The following FHIT variants were observed in gnomAD, a reference collection of about 807,000 sequenced individuals.
The protein encoded by FHIT is fragile histidine triad diadenosine triphosphatase, also known as bis(5'-adenosyl)-triphosphatase.
In FHIT, 19 loss-of-function variants were observed where a neutral mutation model predicts 17.9. That is an observed-to-expected ratio of 1.06 (90% confidence interval 0.74 to 1.56). FHIT has a LOEUF of 1.56. FHIT is among the 40% of genes most tolerant of loss of function. FHIT has a pLI of 0.00. For missense variants in FHIT, 248 were observed against 189.2 expected, an observed-to-expected ratio of 1.31 and a Z score of -1.82; for synonymous variants, 81 against 69.7, an observed-to-expected ratio of 1.16 and a Z score of -0.81.
At chr3:60,082,954 G>A (rs1273290097) in intron 5 of FHIT, among the ~76,000 whole-genome samples, 3 of 152,052 alleles carry the variant, frequency 2.0e-5, no homozygotes, top group African/African-American at 4.8e-5. Context: ...CTTTTGCTGT[G>A]CTCAAGCTCT....
At chr3:60,152,069 T>C (rs1700490498) in intron 5 of FHIT, among the ~76,000 whole-genome samples, 1 of 152,176 alleles carries the variant, frequency 6.6e-6, no homozygotes, top group African/African-American at 2.4e-5. Context: ...TAAATGAATC[T>C]TCCAACAACA....
At position 60,222,372 on chromosome 3, in the gene FHIT, T is replaced by C. The variant is rs533911206; in HGVS notation, c.104-208220A>G. ...TCAGTCATTCACCTGCTCTCTGGTA[T>C]GGTTTCTGCCACTTCTGTGTATTAC... is the stretch of plus-strand genomic sequence containing the variant. On this transcript the variant is annotated intron_variant, in intron 5 of 9. Transcript: ENST00000492590. 7.2e-5 allele frequency among the ~76,000 whole-genome samples: 11 copies of C among 152,332 alleles called. 1 individual carries two copies. The South Asian group carries it at 2.3e-3, about 32-fold the overall frequency.
intron 5 of FHIT, among the ~76,000 whole-genome samples, chr3:60,247,986 T>G (rs754334960): frequency 6.6e-6 from 1 of 152,116 alleles, no homozygotes; most frequent in Non-Finnish European, 1.5e-5. Flanking sequence ...GGAGAAAACA[T>G]GACACCTTCA....
intron 4 of FHIT, among the ~76,000 whole-genome samples, chr3:60,772,206 G>A (rs1700067841): frequency 6.6e-6 from 1 of 151,830 alleles, no homozygotes; most frequent in Admixed American, 6.6e-5. Flanking sequence ...CCCATGATGT[G>A]CACACAGGAC....
intron 2 of FHIT, among the ~76,000 whole-genome samples, chr3:61,163,040 T>G (rs1392995802): frequency 6.6e-6 from 1 of 152,192 alleles, no homozygotes; most frequent in African/African-American, 2.4e-5. Context: ...GATCTTGGAC[T>G]AAGGCTATCA....
intron 2 of FHIT, among the ~76,000 whole-genome samples, chr3:61,152,440 T>G (rs1485979033): frequency 2.0e-5 from 3 of 152,228 alleles, no homozygotes. Context: ...CCATTTAAGG[T>G]GGCAAAACAA....
intron 5 of FHIT, among the ~76,000 whole-genome samples, chr3:60,197,728 C>A (rs1702711172): frequency 6.6e-6 from 1 of 152,148 alleles, no homozygotes. Flanking sequence ...TTTGTATTGA[C>A]TGGAAATCTG....
chr3:59,971,425 T>A (rs967416268), intron 7 of FHIT, among the ~76,000 whole-genome samples: 1 of 152,056 alleles, frequency 6.6e-6, no homozygotes, highest in African/African-American at 2.4e-5. Flanking sequence ...GTCTGAAGGG[T>A]CCTGGTTCAA....
rs1553677019 is a variant in FHIT, at chr3:59,788,881, G to GTTTTTTTTGTTTTTTTTTT, written c.349-36561_349-36560insAAAAAAAAAACAAAAAAAA. On this transcript the variant is annotated intron_variant, in intron 8 of 9. Coordinates refer to ENST00000492590, the MANE Select transcript of FHIT (RefSeq NM_002012.4). ...ACCACGTTCTTTGCTGAGTTCATAT[G>GTTTTTTTTGTTTTTTTTTT]TTTTTTTTTTTTACCCCATCTCCAA... is the stretch of plus-strand genomic sequence containing the variant. 1.5e-4 allele frequency among the ~76,000 whole-genome samples: 13 copies of GTTTTTTTTGTTTTTTTTTT among 86,804 alleles called. 2 individuals are homozygous for GTTTTTTTTGTTTTTTTTTT. Among genetic ancestry groups the GTTTTTTTTGTTTTTTTTTT allele is most frequent in the African/African-American group, 6.0e-4 (13 of 21,836 alleles). The allele number at this position is 86,804 out of a possible 152,430, so 56.9% of individuals were successfully genotyped here. A position where few individuals can be genotyped will look rare whatever the true frequency, so the allele number is the denominator to read the frequency against.
chr3:60,239,854 G>C (rs967912115), intron 5 of FHIT, among the ~76,000 whole-genome samples: 2 of 152,100 alleles, frequency 1.3e-5, no homozygotes, highest in Admixed American at 1.3e-4. Context: ...CAAATCTATA[G>C]ATACAGCATC....
chr3:60,384,806 G>C (rs1316429862), intron 5 of FHIT, among the ~76,000 whole-genome samples: 1 of 146,258 alleles, frequency 6.8e-6, no homozygotes, highest in Non-Finnish European at 1.5e-5. Flanking sequence ...TGTGAGAGAT[G>C]AACAGAGCTA....
intron 2 of FHIT, among the ~76,000 whole-genome samples, chr3:61,169,159 C>G (rs2037925376): frequency 6.6e-6 from 1 of 152,210 alleles, no homozygotes. Context: ...TGACTCTAGC[C>G]TTGTACAATG....
chr3:60,564,681 A>C (rs2121858), intron 4 of FHIT, among the ~76,000 whole-genome samples: 30 of 152,232 alleles, frequency 2.0e-4, no homozygotes, highest in Middle Eastern at 3.4e-3. Flanking sequence ...GTAAAGCCTG[A>C]AGACGTGACT....
rs115969661 is a variant in FHIT, at chr3:60,706,981, G to A, written c.-18+114938C>T. On this transcript the variant is annotated intron_variant, in intron 4 of 9. Transcript: ENST00000492590. ...TCCAGCCTGCTCCATGCAGACAGGA[G>A]CCCAAGCCGGAAGAAAACTCTTTGA... Among the ~76,000 whole-genome samples the A allele has an allele frequency of 2.8e-3, 429 of 152,322 alleles. 3 individuals are homozygous for A. The highest frequency in any genetic ancestry group is 9.8e-3 in the African/African-American group (409 of 41,560).
intron 7 of FHIT, among the ~76,000 whole-genome samples, chr3:59,940,422 C>T (rs191249970): frequency 6.6e-6 from 1 of 152,234 alleles, no homozygotes; most frequent in East Asian, 1.9e-4. Flanking sequence ...TAAATGGGAA[C>T]AGGTAGAAGA....
intron 4 of FHIT, among the ~76,000 whole-genome samples, chr3:60,719,629 C>A (rs1463930518): frequency 2.6e-5 from 4 of 152,142 alleles, no homozygotes; most frequent in African/African-American, 9.7e-5. Context: ...CCTAGAAGGG[C>A]AGAAATTCAG....
chr3:60,992,813 A>G (rs146122413), intron 3 of FHIT, among the ~76,000 whole-genome samples: 59 of 152,340 alleles, frequency 3.9e-4, no homozygotes, highest in African/African-American at 1.4e-3. Flanking sequence ...TGTGTGCTCT[A>G]TAAAGAATAA....
chr3:59,823,401 T>C (rs1021637571), intron 8 of FHIT, among the ~76,000 whole-genome samples: 4 of 152,152 alleles, frequency 2.6e-5, no homozygotes, highest in Non-Finnish European at 4.4e-5. Context: ...ATTTTCACAA[T>C]ATTGATTCTA....
Position 59,835,026 on chromosome 3 carries a change from G to A in FHIT, c.349-82705C>T, listed in dbSNP as rs71313732. 6.1e-3 allele frequency among the ~76,000 whole-genome samples: 921 copies of A among 152,184 alleles called. 6 individuals carry two copies. Among genetic ancestry groups the A allele is most frequent in the Non-Finnish European group, 0.01 (696 of 67,996 alleles). On this transcript the variant is annotated intron_variant, in intron 8 of 9. Transcript: ENST00000492590. ...GATTGACCTGATTTTATGTAGATAT[G>A]CAAAGATACCACTTACTCATGCAGA...
Sources: gnomAD v4.1 joint callset for allele counts (sites outside exome capture counted in the v4.1 genomes callset) on GRCh38, gnomAD v4.1.1 for gene constraint, MANE v1.5 for transcripts, NCBI Gene and HGNC (gene_info 2026-07-23, HGNC 2026-07-21) for gene names.